The following EFNA5 variants were observed in gnomAD, a reference collection of about 807,000 sequenced individuals.
The protein encoded by EFNA5 is ephrin A5.
Under a neutral mutation model 22.9 loss-of-function variants are expected in EFNA5, and 5 were observed. The ratio of observed to expected loss-of-function variants is 0.22; its 90% CI spans 0.11 to 0.46. The LOEUF (loss-of-function observed/expected upper bound fraction) is 0.46. EFNA5 is among the 20% of genes least tolerant of loss of function. The pLI is 0.99. For missense variants in EFNA5, 237 were observed against 293.3 expected (o/e 0.81, Z 1.40); for synonymous variants, 113 against 112.2 (o/e 1.01, Z -0.04).
chr5:107,639,880 A>G (rs1164150536), intron 1 of EFNA5, among the ~76,000 whole-genome samples: 1 of 152,214 alleles, frequency 6.6e-6, no homozygotes, highest in Non-Finnish European at 1.5e-5. Context: ...TAATAGTTTG[A>G]TCCCATAATC....
intron 1 of EFNA5, among the ~76,000 whole-genome samples, chr5:107,603,803 A>T (rs557991161): frequency 6.6e-6 from 1 of 152,338 alleles, no homozygotes; most frequent in Admixed American, 6.5e-5. Context: ...AATTTCTTTT[A>T]CAAGAGCAAG....
chr5:107,587,362 G>A (rs897104462), intron 1 of EFNA5, among the ~76,000 whole-genome samples: 6 of 152,018 alleles, frequency 3.9e-5, no homozygotes, highest in Admixed American at 3.9e-4. Flanking sequence ...CTACTTGTAT[G>A]CTGGGAAAAA....
intron 1 of EFNA5, among the ~76,000 whole-genome samples, chr5:107,505,362 T>C (rs1279273983): frequency 6.6e-6 from 1 of 152,144 alleles, no homozygotes; most frequent in Admixed American, 6.5e-5. Flanking sequence ...ACATGAAAAA[T>C]GTAAAACTAC....
At chr5:107,665,277 T>A (rs568178807) in intron 1 of EFNA5, among the ~76,000 whole-genome samples, 1 of 152,254 alleles carries the variant, frequency 6.6e-6, no homozygotes, top group African/African-American at 2.4e-5. Context: ...TATGTCCTTA[T>A]CCAACAGGAA....
At chr5:107,485,074 T>A (rs1426672197) in intron 1 of EFNA5, among the ~76,000 whole-genome samples, 1 of 152,022 alleles carries the variant, frequency 6.6e-6, no homozygotes, top group Admixed American at 6.6e-5. Context: ...AAAGCAGATT[T>A]TTTTAAAAAA....
At chr5:107,407,224 C>CT (rs555096103) in intron 2 of EFNA5, among the ~76,000 whole-genome samples, 70 of 152,174 alleles carry the variant, frequency 4.6e-4, no homozygotes, top group South Asian at 1.9e-3. Context: ...TCTTGGTGAC[C>CT]TTTTTTGCAG....
chr5:107,424,329 C>T (rs1748751176), intron 2 of EFNA5, among the ~76,000 whole-genome samples: 1 of 150,478 alleles, frequency 6.6e-6, no homozygotes. Flanking sequence ...GCCTCAGCCT[C>T]CCAAGTAGCT....
intron 1 of EFNA5, among the ~76,000 whole-genome samples, chr5:107,495,371 A>C (rs469682): frequency 0.62 from 93,126 of 151,354 alleles, 31,306 homozygotes; most frequent in African/African-American, 0.9. Context: ...CACGAATCCA[A>C]CAGAAGGAAG....
chr5:107,535,915 A>C (rs1747920597), intron 1 of EFNA5, among the ~76,000 whole-genome samples: 1 of 152,180 alleles, frequency 6.6e-6, no homozygotes, highest in Non-Finnish European at 1.5e-5. Context: ...TGTCTAGTCT[A>C]CACTTGTCTA....
At chr5:107,611,106 T>A (rs1490292414) in intron 1 of EFNA5, among the ~76,000 whole-genome samples, 1 of 152,080 alleles carries the variant, frequency 6.6e-6, no homozygotes, top group African/African-American at 2.4e-5. Context: ...ATGACAGATA[T>A]GAAGCCCAGC....
chr5:107,382,409 G>A (rs1747492813), intron 4 of EFNA5, among the ~76,000 whole-genome samples: 1 of 152,042 alleles, frequency 6.6e-6, no homozygotes, highest in Admixed American at 6.5e-5. Flanking sequence ...GTCTTGCTCT[G>A]TTGCTCAGGC....
intron 1 of EFNA5, among the ~76,000 whole-genome samples, chr5:107,446,100 G>A (rs931586773): frequency 6.6e-6 from 1 of 152,068 alleles, no homozygotes; most frequent in Non-Finnish European, 1.5e-5. Flanking sequence ...CACATCTCAG[G>A]TTCCTCACCT....
intron 1 of EFNA5, among the ~76,000 whole-genome samples, chr5:107,492,992 CAAA>C (rs34294325): frequency 2.0e-5 from 2 of 99,360 alleles, no homozygotes; most frequent in Admixed American, 1.1e-4. Context: ...GACTCCATCT[CAAA>C]AAAAAAAAAA....
chr5:107,642,259 T>C (rs535668025), intron 1 of EFNA5, among the ~76,000 whole-genome samples: 2 of 152,262 alleles, frequency 1.3e-5, no homozygotes, highest in Admixed American at 6.5e-5. Context: ...GTTCAAGAGA[T>C]CTATTGTGCA....
At chr5:107,454,877 G>T (rs1224602238) in intron 1 of EFNA5, among the ~76,000 whole-genome samples, 1 of 152,014 alleles carries the variant, frequency 6.6e-6, no homozygotes. Flanking sequence ...AGAATGAGAG[G>T]GAACAAGAGC....
chr5:107,569,465 TTA>T (rs1399627751), intron 1 of EFNA5, among the ~76,000 whole-genome samples: 33 of 138,372 alleles, frequency 2.4e-4, no homozygotes, highest in Non-Finnish European at 3.4e-4. Flanking sequence ...GTATATATAT[TTA>T]TATATATGTG....
chr5:107,520,568 A>T (rs946218187), intron 1 of EFNA5, among the ~76,000 whole-genome samples: 1 of 152,176 alleles, frequency 6.6e-6, no homozygotes, highest in Non-Finnish European at 1.5e-5. Flanking sequence ...TCTGTCTTTC[A>T]TCTGGTAGGC....
At chr5:107,382,346 C>T (rs894188731) in intron 4 of EFNA5, among the ~76,000 whole-genome samples, 2 of 152,118 alleles carry the variant, frequency 1.3e-5, no homozygotes, top group Admixed American at 6.5e-5. Context: ...CTAACTTATG[C>T]TTTTATTTAC....
chr5:107,655,980 C>T (rs1210972986), intron 1 of EFNA5, among the ~76,000 whole-genome samples: 1 of 152,126 alleles, frequency 6.6e-6, no homozygotes, highest in Middle Eastern at 3.2e-3. Context: ...GCTCTTCTGG[C>T]AGCAGAATTC....
Sources: allele counts gnomAD v4.1 joint callset (sites outside exome capture counted in the v4.1 genomes callset), GRCh38; gene constraint gnomAD v4.1.1; transcripts MANE v1.5; gene names NCBI Gene and HGNC (gene_info 2026-07-23, HGNC 2026-07-21).